SOX6: variants seen among roughly 807,000 people sequenced by gnomAD.
SOX6 encodes transcription factor SOX-6.
In SOX6, 11 loss-of-function variants were observed where a neutral mutation model predicts 97.8. That is an observed-to-expected ratio of 0.11 (90% CI 0.07 to 0.19). SOX6 has a LOEUF of 0.19. SOX6 is among the 10% of genes least tolerant of loss of function. The pLI is 1.00. For missense variants in SOX6, 810 were observed against 1,039.5 expected, an observed-to-expected ratio of 0.78 and a Z score of 3.04; for synonymous variants, 360 against 371.4, an observed-to-expected ratio of 0.97 and a Z score of 0.35.
At chr11:16,072,764 C>T (rs1046233355) in intron 9 of SOX6, among the ~76,000 whole-genome samples, 2 of 151,892 alleles carry the variant, frequency 1.3e-5, no homozygotes, top group South Asian at 2.1e-4. Flanking sequence ...AGAAACCCTA[C>T]AAGCCATAAG....
At chr11:16,203,410 T>C (rs1851990286) in intron 4 of SOX6, among the ~76,000 whole-genome samples, 1 of 152,070 alleles carries the variant, frequency 6.6e-6, no homozygotes, top group South Asian at 2.1e-4. Flanking sequence ...CCCAAGAAGA[T>C]TCATATTGCA....
intron 9 of SOX6, among the ~76,000 whole-genome samples, chr11:16,076,405 CAAAA>C (rs34417959): frequency 1.1e-5 from 1 of 91,570 alleles, no homozygotes; most frequent in Non-Finnish European, 2.7e-5. Flanking sequence ...AATCAATAAG[CAAAA>C]AAAAAAAAAA....
intron 9 of SOX6, among the ~76,000 whole-genome samples, chr11:16,058,596 G>C (rs991739135): frequency 6.6e-6 from 1 of 151,994 alleles, no homozygotes; most frequent in Admixed American, 6.6e-5. Flanking sequence ...ATTTATCTTA[G>C]ACTAGACCAT....
At chr11:16,319,703 T>C (rs111549966) in intron 2 of SOX6, among the ~76,000 whole-genome samples, 1 of 152,154 alleles carries the variant, frequency 6.6e-6, no homozygotes, top group African/African-American at 2.4e-5. Context: ...TAGTATTTCA[T>C]TGTGTATATG....
intron 7 of SOX6, among the ~76,000 whole-genome samples, chr11:16,106,569 C>T (rs890231954): frequency 1.3e-5 from 2 of 151,832 alleles, no homozygotes; most frequent in Non-Finnish European, 2.9e-5. Context: ...AAGGTTTTAC[C>T]TTACACAGTA....
chr11:16,394,289 A>G (rs1336280467), intron 1 of SOX6, among the ~76,000 whole-genome samples: 1 of 152,014 alleles, frequency 6.6e-6, no homozygotes, highest in East Asian at 1.9e-4. Context: ...ACTTGAAAGT[A>G]TACCATGTAA....
chr11:16,022,428 T>A (rs1026472310), intron 12 of SOX6, among the ~76,000 whole-genome samples: 4 of 150,476 alleles, frequency 2.7e-5, no homozygotes, highest in African/African-American at 9.8e-5. Context: ...TCTCTCTTTC[T>A]TTTGACAGAG....
At chr11:15,976,359 T>C (rs1853486418) in intron 15 of SOX6, among the ~76,000 whole-genome samples, 1 of 152,176 alleles carries the variant, frequency 6.6e-6, no homozygotes, top group Non-Finnish European at 1.5e-5. Flanking sequence ...TGACATTGCC[T>C]CTCCTCGTCT....
chr11:16,344,452 A>C (rs1856723263), intron 1 of SOX6, among the ~76,000 whole-genome samples: 1 of 151,934 alleles, frequency 6.6e-6, no homozygotes, highest in Non-Finnish European at 1.5e-5. Context: ...ATTTTACTCA[A>C]CCAACCAAAC....
chr11:16,484,840 T>C (rs1860402202), intron 4 of SOX6, among the ~76,000 whole-genome samples: 1 of 152,186 alleles, frequency 6.6e-6, no homozygotes, highest in South Asian at 2.1e-4. Context: ...GAGTTGAACG[T>C]TGTACCAAAA....
At chr11:16,161,388 GTATATATATATA>G (rs3059084) in intron 6 of SOX6, among the ~76,000 whole-genome samples, 1 of 146,942 alleles carries the variant, frequency 6.8e-6, no homozygotes, top group African/African-American at 2.5e-5. Context: ...ATATAGTCTT[GTATATATATATA>G]TATAGTCTTA....
chr11:16,728,117 C>T (rs1401657800), intron 2 of SOX6, among the ~76,000 whole-genome samples: 4 of 152,256 alleles, frequency 2.6e-5, no homozygotes, highest in Admixed American at 2.6e-4. Flanking sequence ...ATTCCCATCT[C>T]CCTGGGACAG....
At chr11:16,158,940 G>A (rs1442910203) in intron 6 of SOX6, among the ~76,000 whole-genome samples, 1 of 151,182 alleles carries the variant, frequency 6.6e-6, no homozygotes, top group Non-Finnish European at 1.5e-5. Context: ...TCTCACAAAG[G>A]TTAAATGATT....
chr11:16,377,595 A>G (rs1456812740), intron 1 of SOX6, among the ~76,000 whole-genome samples: 1 of 152,164 alleles, frequency 6.6e-6, no homozygotes, highest in East Asian at 1.9e-4. Flanking sequence ...ATCCACTTGA[A>G]GACATTATTC....
chr11:16,051,554 C>G (rs1167245276), intron 10 of SOX6, among the ~76,000 whole-genome samples: 1 of 152,024 alleles, frequency 6.6e-6, no homozygotes, highest in Non-Finnish European at 1.5e-5. Context: ...ATGGTTACAT[C>G]CATTATGAAT....
At chr11:16,117,338 C>T (rs1027210690) in intron 6 of SOX6, among the ~76,000 whole-genome samples, 5 of 150,024 alleles carry the variant, frequency 3.3e-5, no homozygotes, top group South Asian at 2.1e-4. Context: ...GGCGACAGAG[C>T]GAGACTCCAT....
At chr11:16,384,397 TATAAC>T (rs1207570925) in intron 1 of SOX6, among the ~76,000 whole-genome samples, 24 of 151,944 alleles carry the variant, frequency 1.6e-4, no homozygotes, top group South Asian at 2.1e-4. Flanking sequence ...ATTAAAATAA[TATAAC>T]ATAAGAGAAA....
chr11:16,302,420 C>G (rs1313789657), intron 3 of SOX6, among the ~76,000 whole-genome samples: 1 of 152,088 alleles, frequency 6.6e-6, no homozygotes, highest in Non-Finnish European at 1.5e-5. Flanking sequence ...ATGCTGTTCT[C>G]TCTACCTGGG....
intron 4 of SOX6, among the ~76,000 whole-genome samples, chr11:16,497,150 G>T (rs1860614174): frequency 6.6e-6 from 1 of 152,170 alleles, no homozygotes; most frequent in African/African-American, 2.4e-5. Context: ...AGCAACATTT[G>T]CTGTTCACCA....
Sources: allele counts gnomAD v4.1 joint callset (sites outside exome capture counted in the v4.1 genomes callset), GRCh38; gene constraint gnomAD v4.1.1; transcripts MANE v1.5; gene names NCBI Gene and HGNC (gene_info 2026-07-23, HGNC 2026-07-21).